BEND5: variants seen among roughly 807,000 people sequenced by gnomAD.
BEND5 encodes the protein BEN domain containing 5, also known as BEN domain-containing protein 5.
BEND5 carries 22 observed loss-of-function variants against 43.9 expected under a neutral mutation model. That is an observed-to-expected ratio of 0.50 (90% CI 0.36 to 0.72). The LOEUF (loss-of-function observed/expected upper bound fraction) is 0.72, where lower values mean the gene tolerates loss of function less well. Ranked by LOEUF, BEND5 falls within the 30% of genes least tolerant of loss-of-function variation. The probability of loss-of-function intolerance (pLI) is 0.00; values close to 1 mark genes in which losing one functional copy is unlikely to be tolerated. For missense variants in BEND5, 428 were observed against 550.6 expected (o/e 0.78, Z 2.23); for synonymous variants, 228 against 225.9 (o/e 1.01, Z -0.08).
In BEND5 at chr1:48,756,541, T is replaced by C. The variant is rs558897808; in HGVS notation, c.745+2359A>G. Among the ~76,000 whole-genome samples, 13 of 152,002 alleles carry C rather than the reference T, an allele frequency of 8.6e-5. No individual in the cohort carries two copies. In the South Asian group the frequency reaches 2.5e-3, roughly 29 times the overall value. ...GTATTCATGGAAGAAAATAAGGTCA[T>C]AGGAAAGGAAGGAAGAAAGGAAAGA... On this transcript the variant is annotated intron_variant, in intron 3 of 5. Coordinates refer to ENST00000371833, the MANE Select transcript of BEND5 (RefSeq NM_024603.4).
intron 2 of BEND5, 164 bp from the exon 3 acceptor site, chr1:48,759,448 G>C: frequency 7.8e-7 from 1 of 1,275,364 alleles, no homozygotes; most frequent in Non-Finnish European, 1.0e-6. Context: ...TTTATAAATG[G>C]GGAAACATTT....
chr1:48,728,383 T>C (rs1239124519), intron 5 of BEND5, among the ~76,000 whole-genome samples: 3 of 152,130 alleles, frequency 2.0e-5, no homozygotes, highest in African/African-American at 7.2e-5. Flanking sequence ...CTTTTTTTTT[T>C]TCTTTTAGTG....
intron 4 of BEND5, among the ~76,000 whole-genome samples, chr1:48,738,197 GA>G (rs375250728): frequency 1.3e-4 from 20 of 151,998 alleles, no homozygotes; most frequent in African/African-American, 4.3e-4. Context: ...CCATCAAGAA[GA>G]AAAAAAATAG....
chr1:48,741,803 T>TA (rs1483187505), intron 4 of BEND5, among the ~76,000 whole-genome samples: 1 of 152,198 alleles, frequency 6.6e-6, no homozygotes, highest in East Asian at 1.9e-4. Context: ...AGGCGATGTC[T>TA]GTAATGCATG....
intron 1 of BEND5, among the ~76,000 whole-genome samples, chr1:48,764,995 T>C (rs927095213): frequency 1.3e-5 from 2 of 152,326 alleles, no homozygotes; most frequent in East Asian, 1.9e-4. Flanking sequence ...CCACCAGCTA[T>C]ACTCAAGGCT....
At chr1:48,747,251 T>TA (rs200469949) in intron 3 of BEND5, among the ~76,000 whole-genome samples, 1,587 of 152,238 alleles carry the variant, frequency 0.01, 16 homozygotes, top group Middle Eastern at 0.034. Context: ...AATTTTTTTT[T>TA]AAAAAAGGGC....
rs1448101547 is a variant in BEND5 at position 48,776,666 on chromosome 1, G to A, written c.166C>T (p.Arg56Cys). ...AGCGCGCCCCAGTCGCGGGGGGCGC[G>A]CGGGGGGCTCTCGGGCCCGGCGCCC... ...ELGAGPESPPRAPRDWGALLL... is the reference protein window; with the variant it reads ...ELGAGPESPPCAPRDWGALLL... Residue 56 changes from arginine (R) to cysteine (C), a missense_variant, in exon 1 of 6, where the codon CGC (arginine) becomes TGC (cysteine). Arg to Cys is a radical substitution (Grantham distance 180, BLOSUM62 -3). Coordinates refer to ENST00000371833, the MANE Select transcript of BEND5 (RefSeq NM_024603.4). The A allele has an allele frequency of 2.0e-6, 3 of 1,498,410 alleles. No individual in the cohort carries two copies. The highest frequency in any genetic ancestry group is 2.1e-4 in the Middle Eastern group (1 of 4,748). 92.8% of individuals were successfully genotyped at this position (1,498,410 alleles called of 1,614,324 possible). A position where few individuals can be genotyped will look rare whatever the true frequency, so the allele number is the denominator to read the frequency against.
intron 1 of BEND5, among the ~76,000 whole-genome samples, chr1:48,764,064 CA>C (rs1644410458): frequency 6.6e-6 from 1 of 152,108 alleles, no homozygotes; most frequent in Non-Finnish European, 1.5e-5. Flanking sequence ...CACAGATGAA[CA>C]AACATCCAGT....
Position 48,736,163 on chromosome 1 carries a change from T to C in BEND5, c.1108+76A>G, listed in dbSNP as rs949632050. 45 of 1,491,678 alleles carry C rather than the reference T, an allele frequency of 3.0e-5. No individual in the cohort carries two copies. In the Middle Eastern group the frequency reaches 6.9e-4, roughly 23 times the overall value. 92.4% of individuals were successfully genotyped at this position (1,491,678 alleles called of 1,614,324 possible). Reference sequence around the variant, plus strand: ...AGAAGCTTCATAAGTAATCGTTGAATTGAATTGTGCCTAACACATTCTTGA... The same window carrying C: ...AGAAGCTTCATAAGTAATCGTTGAACTGAATTGTGCCTAACACATTCTTGA... On this transcript the variant is annotated intron_variant, in intron 5 of 5. Coordinates refer to ENST00000371833, the MANE Select transcript of BEND5 (RefSeq NM_024603.4). This position sits in a 1 kb window ranked among gnomAD's most constrained non-coding sequence, Gnocchi z 4.0.
chr1:48,752,999 C>T (rs557487638), intron 3 of BEND5, among the ~76,000 whole-genome samples: 73 of 152,312 alleles, frequency 4.8e-4, no homozygotes, highest in African/African-American at 1.5e-3. Context: ...CCGCCTGCCT[C>T]GGCCTCCCAA....
In BEND5 at chr1:48,750,563, A is replaced by G. The variant is rs531008902; in HGVS notation, c.746-7792T>C. ...CAAAGTAAAGCTCACCCTGCATCCCAACTGTCTGCTGTTGAGACTGTGACT... is the reference window on the plus strand; with the variant it reads ...CAAAGTAAAGCTCACCCTGCATCCCGACTGTCTGCTGTTGAGACTGTGACT... On this transcript the variant is annotated intron_variant, in intron 3 of 5. Transcript: ENST00000371833. Among the ~76,000 whole-genome samples the G allele has an allele frequency of 3.3e-5, 5 of 152,278 alleles. No individual in the cohort carries two copies. In the South Asian group the frequency reaches 8.3e-4, roughly 25 times the overall value.
intron 1 of BEND5, among the ~76,000 whole-genome samples, chr1:48,769,451 C>T (rs1000203442): frequency 2.6e-5 from 4 of 151,174 alleles, no homozygotes; most frequent in South Asian, 4.2e-4. Flanking sequence ...AGGATAGGGT[C>T]GCAGAGGAAC....
intron 5 of BEND5, among the ~76,000 whole-genome samples, chr1:48,728,482 CT>C (rs11441549): frequency 0.16 from 22,333 of 136,996 alleles, 2,087 homozygotes; most frequent in East Asian, 0.33. Flanking sequence ...TTCTGACTTG[CT>C]TTTTTTTTTT....
intron 4 of BEND5, among the ~76,000 whole-genome samples, chr1:48,741,933 C>T (rs974496977): frequency 1.3e-5 from 2 of 152,204 alleles, no homozygotes; most frequent in Non-Finnish European, 2.9e-5. Context: ...AGAAAAATTT[C>T]CTCCCCTGCC....
chr1:48,758,449 C>T (rs1477242598), intron 3 of BEND5, among the ~76,000 whole-genome samples: 5 of 152,238 alleles, frequency 3.3e-5, no homozygotes, highest in African/African-American at 7.2e-5. Flanking sequence ...CAAATAACCT[C>T]TCCAACCCCT....
Position 48,736,136 on chromosome 1 carries a change from G to T in BEND5, c.1108+103C>A. 2 of 1,339,882 alleles carry T rather than the reference G, an allele frequency of 1.5e-6. No individual in the cohort carries two copies. The highest frequency in any genetic ancestry group is 2.1e-6 in the Non-Finnish European group (2 of 945,490). 83.0% of individuals were successfully genotyped at this position (1,339,882 alleles called of 1,614,324 possible). ...CCGGGCTCAGCCCAGGGTCTGGCAT[G>T]CAGAAGCTTCATAAGTAATCGTTGA... On this transcript the variant is annotated intron_variant, in intron 5 of 5. Coordinates refer to ENST00000371833, the MANE Select transcript of BEND5 (RefSeq NM_024603.4). This position sits in a 1 kb window ranked among gnomAD's most constrained non-coding sequence, Gnocchi z 4.0.
rs1368946549 is a variant in BEND5, at chr1:48,776,649, C to A, written c.183G>T (p.Trp61Cys). The A allele has an allele frequency of 2.0e-6, 3 of 1,490,866 alleles. No individual in the cohort carries two copies. The highest frequency in any genetic ancestry group is 2.7e-6 in the Non-Finnish European group (3 of 1,123,954). 92.4% of individuals were successfully genotyped at this position (1,490,866 alleles called of 1,614,324 possible). ...PESPPRAPRD[W>C]GALLLHKAQI... ...GGGCCTTGTGGAGCAACAGCGCGCCCCAGTCGCGGGGGGCGCGCGGGGGGC... is the reference window on the plus strand; with the variant it reads ...GGGCCTTGTGGAGCAACAGCGCGCCACAGTCGCGGGGGGCGCGCGGGGGGC... The change falls in exon 1 of 6, where the codon TGG becomes TGT. Residue 61 changes from tryptophan to cysteine, a missense_variant. Coordinates refer to ENST00000371833, the MANE Select transcript of BEND5 (RefSeq NM_024603.4).
In BEND5 at chr1:48,776,605, C is replaced by A; in HGVS notation, c.226+1G>T. 1 of 1,434,910 alleles carries A rather than the reference C, an allele frequency of 7.0e-7. No homozygotes were observed. 88.9% of individuals were successfully genotyped at this position (1,434,910 alleles called of 1,614,324 possible). On this transcript the variant is annotated splice_donor_variant, in intron 1 of 5. Coordinates refer to ENST00000371833, the MANE Select transcript of BEND5 (RefSeq NM_024603.4). LOFTEE classifies it high-confidence loss of function. The stretch of plus-strand genomic sequence containing the variant: ...CCGTCCCTCCCCGCCCGCTTGCTCA[C>A]CTGCCAGCGCCAGGATCTGGGCCTT...
chr1:48,762,667 T>C (rs1644336952), intron 1 of BEND5, among the ~76,000 whole-genome samples: 1 of 151,834 alleles, frequency 6.6e-6, no homozygotes, highest in Admixed American at 6.6e-5. Flanking sequence ...TGTATGTATT[T>C]GCATGTGTTA....
Sources: gnomAD v4.1 joint callset for allele counts (sites outside exome capture counted in the v4.1 genomes callset) on GRCh38, gnomAD v4.1.1 for gene constraint, Gnocchi (gnomAD v3.1) non-coding constraint, MANE v1.5 for transcripts, NCBI Gene and HGNC (gene_info 2026-07-23, HGNC 2026-07-21) for gene names.